The following DCHS2 variants were observed in gnomAD, a reference collection of about 807,000 sequenced individuals.
DCHS2 encodes protocadherin-23.
A neutral mutation model predicts 182.4 loss-of-function variants in DCHS2; 142 were observed. The ratio of observed to expected loss-of-function variants is 0.78; its 90% CI spans 0.68 to 0.89. DCHS2 has a LOEUF of 0.89. DCHS2 is among the 40% of genes least tolerant of loss of function. The probability of loss-of-function intolerance (pLI) is 0.00; values close to 1 mark genes in which losing one functional copy is unlikely to be tolerated. For missense variants in DCHS2, 4,319 were observed against 4,198.6 expected, an observed-to-expected ratio of 1.03 and a Z score of -0.79; for synonymous variants, 1,740 against 1,663.3, an observed-to-expected ratio of 1.05 and a Z score of -1.12.
At chr4:154,392,312 T>C (rs757426239) in intron 1 of DCHS2, among the ~76,000 whole-genome samples, 2 of 152,228 alleles carry the variant, frequency 1.3e-5, no homozygotes, top group Non-Finnish European at 2.9e-5. Flanking sequence ...ATATGTTTTG[T>C]AAAACAAAGA....
Position 154,491,537 on chromosome 4 carries a change from G to T in DCHS2, c.-182C>A. The T allele has an allele frequency of 2.2e-6, 3 of 1,390,158 alleles. No individual in the cohort carries two copies. In the South Asian group the frequency reaches 5.4e-5, roughly 25 times the overall value. The allele number at this position is 1,390,158 out of a possible 1,614,324, so 86.1% of individuals were successfully genotyped here. The stretch of plus-strand genomic sequence containing the variant: ...CAACTGGTGAAAGCGTCCTCTGCCT[G>T]CAGCTCACGCAGACAGGGAAGTAAG... On this transcript the variant is annotated 5_prime_UTR_variant, in exon 1 of 20. Coordinates refer to ENST00000357232, the MANE Select transcript of DCHS2 (RefSeq NM_001358235.2).
chr4:154,466,237 G>A (rs183099132), intron 1 of DCHS2, among the ~76,000 whole-genome samples: 47 of 152,242 alleles, frequency 3.1e-4, no homozygotes, highest in African/African-American at 1.1e-3. Flanking sequence ...GAGAAACAAG[G>A]TGATTCTTAC....
chr4:154,474,663 G>A (rs1421275121), intron 1 of DCHS2, among the ~76,000 whole-genome samples: 1 of 149,216 alleles, frequency 6.7e-6, no homozygotes, highest in Non-Finnish European at 1.5e-5. Flanking sequence ...TGACCCTCAG[G>A]CTCCCCGATC....
chr4:154,449,923 T>A (rs1734465682), intron 1 of DCHS2, among the ~76,000 whole-genome samples: 1 of 152,222 alleles, frequency 6.6e-6, no homozygotes, highest in African/African-American at 2.4e-5. Flanking sequence ...GAGCATCACA[T>A]CCTTTCCTCC....
chr4:154,306,645 A>G (rs1171069326), intron 10 of DCHS2, among the ~76,000 whole-genome samples: 2 of 152,120 alleles, frequency 1.3e-5, no homozygotes, highest in Non-Finnish European at 2.9e-5. Flanking sequence ...GATTACATGG[A>G]TCTTTTAAAT....
chr4:154,485,352 G>C (rs918339551), intron 1 of DCHS2, among the ~76,000 whole-genome samples: 1 of 152,194 alleles, frequency 6.6e-6, no homozygotes, highest in Admixed American at 6.5e-5. Context: ...CATGAGAGAG[G>C]TTATGACTAA....
intron 1 of DCHS2, among the ~76,000 whole-genome samples, chr4:154,413,741 T>C (rs908716582): frequency 6.6e-6 from 1 of 152,212 alleles, no homozygotes; most frequent in Non-Finnish European, 1.5e-5. Context: ...CCCTATAAGA[T>C]GGCCCTCCTT....
intron 12 of DCHS2, among the ~76,000 whole-genome samples, chr4:154,303,755 G>A (rs761601332): frequency 6.6e-6 from 1 of 152,184 alleles, no homozygotes; most frequent in Non-Finnish European, 1.5e-5. Context: ...CCATCAGAAT[G>A]TTCTTCCACC....
At chr4:154,383,763 G>A (rs191728686) in intron 1 of DCHS2, among the ~76,000 whole-genome samples, 1 of 152,044 alleles carries the variant, frequency 6.6e-6, no homozygotes, top group African/African-American at 2.4e-5. Flanking sequence ...GATGTAACAG[G>A]GTTGGCCATA....
chr4:154,285,416 C>T (rs1221146039), intron 13 of DCHS2, among the ~76,000 whole-genome samples: 1 of 152,134 alleles, frequency 6.6e-6, no homozygotes, highest in African/African-American at 2.4e-5. Flanking sequence ...GGACAGAGCA[C>T]CAAGTGGGCT....
intron 16 of DCHS2, among the ~76,000 whole-genome samples, chr4:154,249,701 T>A (rs947308943): frequency 3.3e-5 from 5 of 152,118 alleles, no homozygotes; most frequent in Non-Finnish European, 7.4e-5. Flanking sequence ...GAAAATGTGA[T>A]CTATGCAGCC....
Position 154,242,699 on chromosome 4 carries a change from C to A in DCHS2, c.7015G>T (p.Asp2339Tyr). The A allele has an allele frequency of 6.2e-7, 1 of 1,613,168 alleles. No homozygotes were observed. The highest frequency in any genetic ancestry group is 1.1e-5 in the South Asian group (1 of 91,020). The change falls in exon 17 of 20, where the codon GAT becomes TAT. Residue 2339 changes from aspartate (D) to tyrosine (Y), a missense_variant. Physicochemically the swap from Asp to Tyr is radical, Grantham distance 160. Coordinates refer to ENST00000357232, the MANE Select transcript of DCHS2 (RefSeq NM_001358235.2). ...AAAGCTGGGGCATTGTCATTTATAT[C>A]AGTCACCTGTACCTTGATTACAGTC... ...NTTVIKVQVT[D>Y]INDNAPAFLP...
At chr4:154,309,830 A>C (rs953682560) in intron 10 of DCHS2, among the ~76,000 whole-genome samples, 1 of 152,238 alleles carries the variant, frequency 6.6e-6, no homozygotes, top group East Asian at 1.9e-4. Context: ...AAAGGACTCA[A>C]ATTCCTTAGA....
In DCHS2 at chr4:154,490,615, A is replaced by C; in HGVS notation, c.741T>G (p.Asp247Glu). 1 of 1,549,340 alleles carries C rather than the reference A, an allele frequency of 6.5e-7. No homozygotes were observed. Among genetic ancestry groups the C allele is most frequent in the Non-Finnish European group, 8.7e-7 (1 of 1,146,762 alleles). Residue 247 changes from aspartate to glutamate, a missense_variant, in exon 1 of 20, where the codon GAT becomes GAG. Asp to Glu is a conservative substitution (Grantham distance 45). Transcript: ENST00000357232. ...PGSSSPLEPLDLVLLRRLDRE... is the reference protein window; with the variant it reads ...PGSSSPLEPLELVLLRRLDRE... Reference sequence around the variant, plus strand: ...GGTCCAAGCGCCGCAGCAGCACCAGATCTAGAGGCTCCAGGGGTGACGAGG... The same window carrying C: ...GGTCCAAGCGCCGCAGCAGCACCAGCTCTAGAGGCTCCAGGGGTGACGAGG...
At chr4:154,404,943 C>A (rs1732336299) in intron 1 of DCHS2, among the ~76,000 whole-genome samples, 1 of 152,086 alleles carries the variant, frequency 6.6e-6, no homozygotes, top group African/African-American at 2.4e-5. Context: ...CAGAGTCCAC[C>A]CACTTTAAAC....
intron 1 of DCHS2, among the ~76,000 whole-genome samples, chr4:154,414,487 CTTTT>C (rs375818839): frequency 0.2 from 15,021 of 73,590 alleles, 761 homozygotes; most frequent in African/African-American, 0.25. Flanking sequence ...ATACAGCTTT[CTTTT>C]TTTTTTTTTT....
chr4:154,300,774 C>T (rs1735167988), intron 12 of DCHS2, among the ~76,000 whole-genome samples: 1 of 151,846 alleles, frequency 6.6e-6, no homozygotes, highest in African/African-American at 2.4e-5. Flanking sequence ...ACTTGCGCAA[C>T]AAGGGGTATC....
chr4:154,325,187 C>G (rs1458359386), intron 7 of DCHS2, among the ~76,000 whole-genome samples: 2 of 152,008 alleles, frequency 1.3e-5, no homozygotes, highest in African/African-American at 4.8e-5. Flanking sequence ...CATTCCCCTC[C>G]TTTTTCCCCG....
At chr4:154,250,595 G>C (rs1394129109) in intron 16 of DCHS2, among the ~76,000 whole-genome samples, 1 of 152,090 alleles carries the variant, frequency 6.6e-6, no homozygotes, top group Non-Finnish European at 1.5e-5. Flanking sequence ...AGCAGAAAAA[G>C]AACCATTCTA....
Sources: allele counts gnomAD v4.1 joint callset (sites outside exome capture counted in the v4.1 genomes callset), GRCh38; gene constraint gnomAD v4.1.1; transcripts MANE v1.5; gene names NCBI Gene and HGNC (gene_info 2026-07-23, HGNC 2026-07-21).